The following PSMB1 variants were observed in gnomAD, a reference collection of about 807,000 sequenced individuals.
PSMB1 encodes the protein proteasome subunit beta type-1.
In PSMB1, 7 loss-of-function variants were observed where a neutral mutation model predicts 25.4. The observed-to-expected ratio is 0.28, with a 90% confidence interval of 0.16 to 0.52. PSMB1 has a LOEUF of 0.52. Ranked by LOEUF, PSMB1 falls within the 20% of genes least tolerant of loss-of-function variation. The probability of loss-of-function intolerance (pLI) is 0.97; values close to 1 mark genes in which losing one functional copy is unlikely to be tolerated. For synonymous variants in PSMB1, 119 were observed against 115.0 expected (o/e 1.03, Z -0.22); for missense variants, 284 against 302.2 (o/e 0.94, Z 0.45).
chr6:170,543,670 T>A lies in PSMB1; in HGVS notation c.364A>T (p.Thr122Ser), dbSNP rs758118796. 3.5e-5 allele frequency: 56 copies of A among 1,611,732 alleles called. No homozygotes were observed. The highest frequency in any genetic ancestry group is 4.4e-5 in the Non-Finnish European group (52 of 1,177,950). ...TTGAIAAMLS[T>S]ILYSRRFFPY... ...AAGAAGCGCCTTGAATACAGGATTGTAGACAGCATTGCAGCAATTGCCCCC... is the reference window on the plus strand; with the variant it reads ...AAGAAGCGCCTTGAATACAGGATTGAAGACAGCATTGCAGCAATTGCCCCC... The change falls in exon 4 of 6, where the codon ACA (threonine) becomes TCA (serine). Residue 122 changes from threonine (T) to serine (S), a missense_variant. Thr to Ser is a moderately conservative substitution (Grantham distance 58). Transcript: ENST00000262193.
chr6:170,536,762 G>A lies in PSMB1; in HGVS notation c.540+472C>T, dbSNP rs142974288. ...CTTCCAGTCAACAGTAGGCTTATTT[G>A]TAAGTTTTCTTGGAGTCGAAAGTTA... On this transcript the variant is annotated intron_variant, in intron 5 of 5. Coordinates refer to ENST00000262193, the MANE Select transcript of PSMB1 (RefSeq NM_002793.4). 5.9e-5 allele frequency among the ~76,000 whole-genome samples: 9 copies of A among 152,262 alleles called. 1 individual carries two copies. The highest frequency in any genetic ancestry group is 2.2e-4 in the African/African-American group (9 of 41,538).
rs115338957 is a variant in PSMB1, at chr6:170,536,453, A to G, written c.540+781T>C. ...GTGATGCTGGAACTGCTCCCCAAGAAGCAGGGAAAGTTATGACATCACAAG... is the reference window on the plus strand; with the variant it reads ...GTGATGCTGGAACTGCTCCCCAAGAGGCAGGGAAAGTTATGACATCACAAG... On this transcript the variant is annotated intron_variant, in intron 5 of 5. Coordinates refer to ENST00000262193, the MANE Select transcript of PSMB1 (RefSeq NM_002793.4). 2.3e-3 allele frequency: 1,057 copies of G among 456,710 alleles called. 11 individuals carry two copies. The highest frequency in any genetic ancestry group is 0.019 in the African/African-American group (935 of 50,188). 28.3% of individuals were successfully genotyped at this position (456,710 alleles called of 1,614,324 possible).
chr6:170,550,574 A>G (rs1778879990), intron 1 of PSMB1: 1 of 152,172 alleles, frequency 6.6e-6, no homozygotes, highest in South Asian at 2.1e-4. Context: ...GGAATGCAAG[A>G]GAGAGAAAAG....
intron 1 of PSMB1, 150 bp downstream of exon 1, chr6:170,552,980 G>A: frequency 3.1e-6 from 2 of 642,082 alleles, no homozygotes. Flanking sequence ...GAGGACGGCA[G>A]GGAGACCGGC....
chr6:170,537,440 C>T, intron 4 of PSMB1, 100 bp from the exon 5 acceptor site: 1 of 901,278 alleles, frequency 1.1e-6, no homozygotes, highest in South Asian at 1.5e-5. Flanking sequence ...AACGGACTAT[C>T]ACCTTGGCTA....
At chr6:170,544,295 C>T (rs1246484206) in intron 3 of PSMB1, among the ~76,000 whole-genome samples, 6 of 152,110 alleles carry the variant, frequency 3.9e-5, no homozygotes, top group Non-Finnish European at 4.4e-5. Context: ...TCTGTGAGAA[C>T]AGAAGACACA....
At chr6:170,544,974 G>A (rs886092095) in intron 3 of PSMB1, among the ~76,000 whole-genome samples, 2 of 151,884 alleles carry the variant, frequency 1.3e-5, no homozygotes, top group African/African-American at 2.4e-5. Flanking sequence ...GTGAAACCCC[G>A]TCTCTACTAA....
intron 4 of PSMB1, among the ~76,000 whole-genome samples, chr6:170,541,933 T>C (rs1778763159): frequency 6.6e-6 from 1 of 152,206 alleles, no homozygotes; most frequent in Non-Finnish European, 1.5e-5. Flanking sequence ...AGCTCAGCTA[T>C]TTTTAATGTT....
chr6:170,537,278 C>T lies in PSMB1; in HGVS notation c.496G>A (p.Gly166Arg). The stretch of plus-strand genomic sequence containing the variant: ...TGTAGCATGGCACTTGCTGAGCCTC[C>T]AGCCTTGAAGGAGTCTCTCTGGTAA... Reference protein sequence around the residue: ...GSYQRDSFKAGGSASAMLQPL... With the variant: ...GSYQRDSFKARGSASAMLQPL... The change falls in exon 5 of 6, where the codon GGA becomes AGA. Residue 166 changes from glycine to arginine, a missense_variant. Physicochemically the swap from Gly to Arg is moderately radical, Grantham distance 125. Coordinates refer to ENST00000262193, the MANE Select transcript of PSMB1 (RefSeq NM_002793.4). 6.2e-7 allele frequency: 1 copy of T among 1,614,144 alleles called. No homozygotes were observed. Among genetic ancestry groups the T allele is most frequent in the Non-Finnish European group, 8.5e-7 (1 of 1,180,026 alleles).
At chr6:170,537,941 T>C (rs1778714766) in intron 4 of PSMB1, among the ~76,000 whole-genome samples, 1 of 152,224 alleles carries the variant, frequency 6.6e-6, no homozygotes, top group African/African-American at 2.4e-5. Context: ...GCACGACTTA[T>C]GTATATAGAC....
At chr6:170,541,006 T>C (rs1246904125) in intron 4 of PSMB1, among the ~76,000 whole-genome samples, 3 of 152,100 alleles carry the variant, frequency 2.0e-5, no homozygotes, top group Admixed American at 2.0e-4. Flanking sequence ...GGAACATCAC[T>C]ATACAATTTC....
intron 3 of PSMB1, among the ~76,000 whole-genome samples, chr6:170,545,607 CAG>C (rs1314220214): frequency 6.6e-6 from 1 of 152,218 alleles, no homozygotes; most frequent in Non-Finnish European, 1.5e-5. Context: ...GGTCAGGTGA[CAG>C]ACGTTAATGG....
intron 4 of PSMB1, among the ~76,000 whole-genome samples, chr6:170,542,515 C>T (rs1184323897): frequency 6.6e-6 from 1 of 152,176 alleles, no homozygotes; most frequent in Non-Finnish European, 1.5e-5. Flanking sequence ...GTTGTTTAGG[C>T]TATTGCTTGA....
rs577154281 is a variant in PSMB1, at chr6:170,547,677, T to A, written c.221+1329A>T. Among the ~76,000 whole-genome samples the A allele has an allele frequency of 3.2e-4, 49 of 152,282 alleles. No homozygotes were observed. The South Asian group carries it at 3.9e-3, about 12-fold the overall frequency. ...TACCAACAGGGAAAGACAGAAATCT[T>A]AGAACTTCAAGATGCTTTTCCCAAA... On this transcript the variant is annotated intron_variant, in intron 2 of 5. Transcript: ENST00000262193.
intron 1 of PSMB1, among the ~76,000 whole-genome samples, chr6:170,551,519 T>C (rs897068744): frequency 6.6e-6 from 1 of 152,176 alleles, no homozygotes; most frequent in South Asian, 2.1e-4. Flanking sequence ...TAAGTAATTT[T>C]TAGGGCAGTA....
chr6:170,542,106 C>T (rs1474618081), intron 4 of PSMB1, among the ~76,000 whole-genome samples: 1 of 152,186 alleles, frequency 6.6e-6, no homozygotes, highest in East Asian at 1.9e-4. Context: ...TATTTCTACA[C>T]TTTACTTTTT....
At chr6:170,537,053 CAGAG>C (rs2114974302) in intron 5 of PSMB1, among the ~76,000 whole-genome samples, 177 bp downstream of exon 5, 1 of 152,300 alleles carries the variant, frequency 6.6e-6, no homozygotes, top group East Asian at 1.9e-4. Context: ...AGGCAGAACA[CAGAG>C]AGAGACCATG....
chr6:170,537,614 T>C (rs1778711130), intron 4 of PSMB1, among the ~76,000 whole-genome samples: 1 of 152,144 alleles, frequency 6.6e-6, no homozygotes. Context: ...GGGTAAACTG[T>C]AGGCTTGGGA....
At chr6:170,545,912 G>A (rs1403721806) in intron 3 of PSMB1, among the ~76,000 whole-genome samples, 191 bp downstream of exon 3, 3 of 152,172 alleles carry the variant, frequency 2.0e-5, no homozygotes, top group Admixed American at 6.5e-5. Context: ...GGAATGTGCT[G>A]CTGTTTCACA....
Sources: allele counts gnomAD v4.1 joint callset (sites outside exome capture counted in the v4.1 genomes callset), GRCh38; gene constraint gnomAD v4.1.1; transcripts MANE v1.5; gene names NCBI Gene and HGNC (gene_info 2026-07-23, HGNC 2026-07-21).